FBN1: variants seen among roughly 807,000 people sequenced by gnomAD.
The protein encoded by FBN1 is fibrillin-1.
A neutral mutation model predicts 365.1 loss-of-function variants in FBN1; 29 were observed. The ratio of observed to expected loss-of-function variants is 0.08; its 90% CI spans 0.06 to 0.11. The LOEUF (loss-of-function observed/expected upper bound fraction) is 0.11, where lower values mean the gene tolerates loss of function less well. Among genes scored for constraint, FBN1 ranks in the 10% least tolerant of loss-of-function variants. The pLI, the probability that FBN1 is intolerant of heterozygous loss-of-function variation, is 1.00. For synonymous variants in FBN1, 1,210 were observed against 1,270.5 expected (o/e 0.95, Z 1.01); for missense variants, 2,476 against 3,703.2 (o/e 0.67, Z 8.60).
chr15:48,620,283 G>T (rs1221893145), intron 2 of FBN1, among the ~76,000 whole-genome samples: 3 of 152,082 alleles, frequency 2.0e-5, no homozygotes, highest in Non-Finnish European at 4.4e-5. Flanking sequence ...CATCATTGAG[G>T]GTTTGGGAAA....
At chr15:48,628,058 CAAGT>C (rs943424451) in intron 2 of FBN1, among the ~76,000 whole-genome samples, 1 of 152,180 alleles carries the variant, frequency 6.6e-6, no homozygotes, top group East Asian at 1.9e-4. Flanking sequence ...AGTTTTCTAT[CAAGT>C]AAGAATACAT....
chr15:48,619,041 A>G (rs1466822235), intron 2 of FBN1, among the ~76,000 whole-genome samples: 1 of 152,172 alleles, frequency 6.6e-6, no homozygotes, highest in Non-Finnish European at 1.5e-5. Flanking sequence ...AGTGCACAAT[A>G]AATGTAATGA....
At chr15:48,514,204 C>G (rs1318820890) in intron 12 of FBN1, among the ~76,000 whole-genome samples, 1 of 152,182 alleles carries the variant, frequency 6.6e-6, no homozygotes, top group African/African-American at 2.4e-5. Flanking sequence ...TTTACAGTCA[C>G]TTAGAATTAT....
chr15:48,492,393 C>T (rs2043567424), intron 24 of FBN1, 68 bp downstream of exon 24: 7 of 1,522,768 alleles, frequency 4.6e-6, no homozygotes, highest in Non-Finnish European at 5.4e-6. Context: ...TCAGCTATAT[C>T]TTGTTAACTT....
At chr15:48,565,893 A>T (rs1163255563) in intron 6 of FBN1, among the ~76,000 whole-genome samples, 2 of 152,184 alleles carry the variant, frequency 1.3e-5, no homozygotes, top group Non-Finnish European at 2.9e-5. Flanking sequence ...CTAATGCATG[A>T]TTTGCATTTG....
intron 9 of FBN1, 114 bp from the exon 10 acceptor site, chr15:48,520,931 C>T: frequency 7.2e-7 from 1 of 1,384,592 alleles, no homozygotes; most frequent in Non-Finnish European, 1.0e-6. Context: ...AGGATTAACT[C>T]ACACCTCTGC....
intron 7 of FBN1, among the ~76,000 whole-genome samples, chr15:48,536,249 GA>G (rs536690462): frequency 3.0e-4 from 45 of 152,246 alleles, no homozygotes; most frequent in African/African-American, 1.0e-3. Flanking sequence ...CTTGGATGTT[GA>G]ATAGCAGAGT....
intron 29 of FBN1, among the ~76,000 whole-genome samples, chr15:48,486,284 G>A (rs1465252281): frequency 6.6e-6 from 1 of 152,208 alleles, no homozygotes. Flanking sequence ...GAAGTTCTGA[G>A]TTGTCCTGGG....
intron 6 of FBN1, among the ~76,000 whole-genome samples, chr15:48,575,301 A>AATTCTTT (rs1239431313): frequency 6.6e-6 from 1 of 150,916 alleles, no homozygotes; most frequent in Admixed American, 6.7e-5. Flanking sequence ...AGCTCCGCTC[A>AATTCTTT]ATTCTTTATG....
chr15:48,516,635 G>A (rs1341698998), intron 10 of FBN1, among the ~76,000 whole-genome samples: 1 of 152,050 alleles, frequency 6.6e-6, no homozygotes. Flanking sequence ...TCACCTCATG[G>A]AAAACATAAA....
At position 48,480,895 on chromosome 15, in the gene FBN1, A is replaced by C. The variant is rs180809356; in HGVS notation, c.3964+760T>G. Among the ~76,000 whole-genome samples, 263 of 152,306 alleles carry C rather than the reference A, an allele frequency of 1.7e-3. 1 individual carries two copies. Among genetic ancestry groups the C allele is most frequent in the Non-Finnish European group, 3.3e-3 (227 of 67,992 alleles). Reference sequence around the variant, plus strand: ...CATAATCTGTCAAATTAATATAAGTAACTAGAGTAAAACTTTATTATATCA... The same window carrying C: ...CATAATCTGTCAAATTAATATAAGTCACTAGAGTAAAACTTTATTATATCA... On this transcript the variant is annotated intron_variant, in intron 32 of 65. Coordinates refer to ENST00000316623, the MANE Select transcript of FBN1 (RefSeq NM_000138.5).
chr15:48,519,967 T>C (rs2043837230), intron 10 of FBN1, among the ~76,000 whole-genome samples: 1 of 152,238 alleles, frequency 6.6e-6, no homozygotes, highest in Non-Finnish European at 1.5e-5. Context: ...TTTAGTTATG[T>C]ATTTTTAAAC....
At position 48,612,936 on chromosome 15, in the gene FBN1, C is replaced by T. The variant is rs141828028; in HGVS notation, c.247+74G>A. On this transcript the variant is annotated intron_variant, in intron 3 of 65. Transcript: ENST00000316623. ...TTAATAGTACAGTTACAAAAGGCCACATTCTAAGGCTCCCCATGCAACCAA... is the reference window on the plus strand; with the variant it reads ...TTAATAGTACAGTTACAAAAGGCCATATTCTAAGGCTCCCCATGCAACCAA... The T allele has an allele frequency of 5.7e-5, 62 of 1,094,352 alleles. No homozygotes were observed. The African/African-American group carries it at 8.2e-4, about 14-fold the overall frequency. 67.8% of individuals were successfully genotyped at this position (1,094,352 alleles called of 1,614,324 possible). A position where few individuals can be genotyped will look rare whatever the true frequency, so the allele number is the denominator to read the frequency against.
chr15:48,484,107 C>G (rs1261822904), intron 30 of FBN1, among the ~76,000 whole-genome samples, 164 bp from the exon 31 acceptor site: 1 of 152,078 alleles, frequency 6.6e-6, no homozygotes, highest in African/African-American at 2.4e-5. Context: ...TTGGGTTATC[C>G]TTGGTAAAAA....
chr15:48,504,359 C>T (rs973832730), intron 16 of FBN1, among the ~76,000 whole-genome samples: 1 of 152,160 alleles, frequency 6.6e-6, no homozygotes, highest in Non-Finnish European at 1.5e-5. Flanking sequence ...AATAAACACG[C>T]AATTACTGAA....
At chr15:48,461,888 T>A (rs1256973837) in intron 42 of FBN1, among the ~76,000 whole-genome samples, 1 of 152,200 alleles carries the variant, frequency 6.6e-6, no homozygotes. Flanking sequence ...ATTCTCCTGA[T>A]TTTTTCCAAC....
At chr15:48,455,912 T>C (rs1413998896) in intron 44 of FBN1, among the ~76,000 whole-genome samples, 1 of 152,168 alleles carries the variant, frequency 6.6e-6, no homozygotes, top group African/African-American at 2.4e-5. Context: ...CTTTCTAACA[T>C]GAATAAAAAT....
At chr15:48,512,180 T>G (rs1317071005) in intron 13 of FBN1, among the ~76,000 whole-genome samples, 1 of 152,186 alleles carries the variant, frequency 6.6e-6, no homozygotes, top group Non-Finnish European at 1.5e-5. Flanking sequence ...ATTCATAAAT[T>G]TTGAAGCCAG....
At chr15:48,480,091 T>C (rs950687874) in intron 32 of FBN1, among the ~76,000 whole-genome samples, 5 of 152,186 alleles carry the variant, frequency 3.3e-5, no homozygotes, top group Non-Finnish European at 1.5e-5. Context: ...GGGTAAGGCC[T>C]AAAATAATCA....
Sources: allele counts gnomAD v4.1 joint callset (sites outside exome capture counted in the v4.1 genomes callset), GRCh38; gene constraint gnomAD v4.1.1; transcripts MANE v1.5; gene names NCBI Gene and HGNC (gene_info 2026-07-23, HGNC 2026-07-21).